Variants in UPK3BL1 observed in about 807,000 individuals in gnomAD.
UPK3BL1 encodes uroplakin 3B like 1.
intron 3 of UPK3BL1, among the ~76,000 whole-genome samples, chr7:102,639,963 C>CAAAAAAA (rs1554350613): frequency 5.0e-4 from 6 of 12,088 alleles, no homozygotes; most frequent in African/African-American, 1.6e-3. Flanking sequence ...AAAAACAAAA[C>CAAAAAAA]AAAAAAAAAA....
intron 3 of UPK3BL1, 121 bp downstream of exon 3, chr7:102,640,083 G>T (rs1791517245): frequency 6.4e-5 from 1 of 15,650 alleles, no homozygotes. Context: ...CTTCCCTTTG[G>T]CCAAGCAGGA....
At position 102,639,108 on chromosome 7, in the gene UPK3BL1, G is replaced by A. The variant is rs1584217660; in HGVS notation, c.562+15C>T. On this transcript the variant is annotated intron_variant, in intron 4 of 5. Coordinates refer to ENST00000340457, the MANE Select transcript of UPK3BL1 (RefSeq NM_001114403.3). ...CCCCTGCCCCTACTGTTTGACCGGA[G>A]CCTCTGGCCCCTACCTTGCTGCAGG... 1 of 1,540,540 alleles carries A rather than the reference G, an allele frequency of 6.5e-7. No individual in the cohort carries two copies. The highest frequency in any genetic ancestry group is 2.4e-5 in the East Asian group (1 of 40,878).
intron 4 of UPK3BL1, 111 bp downstream of exon 4, chr7:102,639,012 C>T (rs1791480325): frequency 2.6e-6 from 4 of 1,537,272 alleles, no homozygotes; most frequent in Non-Finnish European, 2.6e-6. Context: ...TGGTTGGCTG[C>T]CTCTGACTCA....
intron 3 of UPK3BL1, among the ~76,000 whole-genome samples, 187 bp downstream of exon 3, chr7:102,640,016 AG>A (rs1408555586): frequency 6.8e-5 from 2 of 29,336 alleles, no homozygotes; most frequent in African/African-American, 2.2e-4. Context: ...AAAAAAGAGA[AG>A]AAGGATAATT....
At position 102,642,132 on chromosome 7, in the gene UPK3BL1, AAAAAAG is replaced by A. The variant is rs1356084691; in HGVS notation, c.112+492_112+497del. ...TCGAAAAAAAAAAAAAAAGAAAGAA[AAAAAAG>A]AAAAAGAAAAAGAAAAAGAGAAGCG... On this transcript the variant is annotated intron_variant, in intron 1 of 5. Transcript: ENST00000340457. Among the ~76,000 whole-genome samples, 99 of 53,818 alleles carry A rather than the reference AAAAAAG, an allele frequency of 1.8e-3. 1 individual carries two copies. Among genetic ancestry groups the A allele is most frequent in the African/African-American group, 7.8e-3 (92 of 11,792 alleles). 35.3% of individuals were successfully genotyped at this position (53,818 alleles called of 152,430 possible).
chr7:102,642,109 GA>G (rs775435358), intron 1 of UPK3BL1, among the ~76,000 whole-genome samples: 4 of 4,836 alleles, frequency 8.3e-4, no homozygotes, highest in South Asian at 0.031. Flanking sequence ...ACTCTGTCTC[GA>G]AAAAAAAAAA....
Position 102,637,269 on chromosome 7 carries a change from T to TAGATCTCGGTG in UPK3BL1, c.*255_*256insCACCGAGATCT. Reference sequence around the variant, plus strand: ...AAAATGAGCTGGGCATGGTGGCGTGTGCCTGTAGTCCCAGCTACTCAGGAG... The same window carrying TAGATCTCGGTG: ...AAAATGAGCTGGGCATGGTGGCGTGTAGATCTCGGTGGCCTGTAGTCCCAGCTACTCAGGAG... On this transcript the variant is annotated 3_prime_UTR_variant, in exon 6 of 6. Coordinates refer to ENST00000340457, the MANE Select transcript of UPK3BL1 (RefSeq NM_001114403.3). The TAGATCTCGGTG allele has an allele frequency of 2.2e-6, 1 of 453,470 alleles. No homozygotes were observed. The highest frequency in any genetic ancestry group is 4.0e-6 in the Non-Finnish European group (1 of 248,000). The allele number at this position is 453,470 out of a possible 1,614,324, so 28.1% of individuals were successfully genotyped here. A position where few individuals can be genotyped will look rare whatever the true frequency, so the allele number is the denominator to read the frequency against.
chr7:102,638,198 G>A (rs1486917536), intron 5 of UPK3BL1, among the ~76,000 whole-genome samples: 1 of 151,582 alleles, frequency 6.6e-6, no homozygotes, highest in Non-Finnish European at 1.5e-5. Context: ...GTCTCACTCT[G>A]TCACCCAGGT....
rs551892399 is a variant in UPK3BL1 at position 102,637,251 on chromosome 7, G to C, written c.*274C>G. 2.1e-6 allele frequency: 1 copy of C among 474,006 alleles called. No individual in the cohort carries two copies. Among genetic ancestry groups the C allele is most frequent in the South Asian group, 2.4e-5 (1 of 41,040 alleles). 29.4% of individuals were successfully genotyped at this position (474,006 alleles called of 1,614,324 possible). On this transcript the variant is annotated 3_prime_UTR_variant, in exon 6 of 6. Transcript: ENST00000340457. ...ATCTCTACTAAAAATACAAAAATGA[G>C]CTGGGCATGGTGGCGTGTGCCTGTA...
At chr7:102,638,169 C>CTT (rs201457495) in intron 5 of UPK3BL1, among the ~76,000 whole-genome samples, 1 of 135,836 alleles carries the variant, frequency 7.4e-6, no homozygotes, top group African/African-American at 2.7e-5. Context: ...ACACCCCCCC[C>CTT]TTTTTTTTTT....
At chr7:102,642,246 T>TTTTC (rs1562813236) in intron 1 of UPK3BL1, among the ~76,000 whole-genome samples, 12 of 23,026 alleles carry the variant, frequency 5.2e-4, no homozygotes, top group African/African-American at 2.2e-3. Context: ...CTTTTCTTTT[T>TTTTC]TGAGACAGGG....
intron 3 of UPK3BL1, among the ~76,000 whole-genome samples, 172 bp downstream of exon 3, chr7:102,640,032 T>C (rs1584219136): frequency 5.7e-5 from 1 of 17,400 alleles, no homozygotes; most frequent in African/African-American, 1.7e-4. Flanking sequence ...ATAATTCATG[T>C]AATTCATGAA....
chr7:102,641,698 C>A (rs1319699120), intron 1 of UPK3BL1: 2 of 511,540 alleles, frequency 3.9e-6, no homozygotes, highest in African/African-American at 6.1e-5. Flanking sequence ...AACTCAACTC[C>A]AAAGGTTCAG....
At chr7:102,639,963 C>CAAACAAAAA (rs1554350614) in intron 3 of UPK3BL1, among the ~76,000 whole-genome samples, 1 of 12,096 alleles carries the variant, frequency 8.3e-5, no homozygotes, top group African/African-American at 2.6e-4. Context: ...AAAAACAAAA[C>CAAACAAAAA]AAAAAAAAAA....
chr7:102,637,397 A>AAC lies in UPK3BL1; in HGVS notation c.*127_*128insGT, dbSNP rs1791421993. The stretch of plus-strand genomic sequence containing the variant: ...TGAGACTCCGTCTCAAAAAAAAAAA[A>AAC]AAAAAAATAGTAAAGAAAAGAAACA... On this transcript the variant is annotated 3_prime_UTR_variant, in exon 6 of 6. Transcript: ENST00000340457. The AAC allele has an allele frequency of 1.8e-5, 9 of 496,884 alleles. No individual in the cohort carries two copies. In the Admixed American group the frequency reaches 3.1e-4, roughly 17 times the overall value. 30.8% of individuals were successfully genotyped at this position (496,884 alleles called of 1,614,324 possible). A position where few individuals can be genotyped will look rare whatever the true frequency, so the allele number is the denominator to read the frequency against.
chr7:102,642,109 G>T, intron 1 of UPK3BL1, among the ~76,000 whole-genome samples: 2 of 4,834 alleles, frequency 4.1e-4, no homozygotes, highest in African/African-American at 1.1e-3. Context: ...ACTCTGTCTC[G>T]AAAAAAAAAA....
At chr7:102,639,988 G>A (rs1198446049) in intron 3 of UPK3BL1, among the ~76,000 whole-genome samples, 1 of 14,446 alleles carries the variant, frequency 6.9e-5, no homozygotes, top group African/African-American at 2.8e-4. Context: ...AAAAGAAGAA[G>A]AAGAAAAGGA....
At chr7:102,642,108 C>CA (rs1791555868) in intron 1 of UPK3BL1, among the ~76,000 whole-genome samples, 1 of 2,100 alleles carries the variant, frequency 4.8e-4, no homozygotes, top group Non-Finnish European at 0.023. Flanking sequence ...GACTCTGTCT[C>CA]GAAAAAAAAA....
At chr7:102,642,226 T>TTTTTC (rs1311482195) in intron 1 of UPK3BL1, among the ~76,000 whole-genome samples, 1,312 of 24,164 alleles carry the variant, frequency 0.054, 2 homozygotes, top group Non-Finnish European at 0.08. Flanking sequence ...GCCTGTCCAG[T>TTTTTC]TTTTCTTTTC....
Sources: allele counts gnomAD v4.1 joint callset (sites outside exome capture counted in the v4.1 genomes callset), GRCh38; gene constraint gnomAD v4.1.1; transcripts MANE v1.5; gene names NCBI Gene and HGNC (gene_info 2026-07-23, HGNC 2026-07-21).